CPM: variants seen among roughly 807,000 people sequenced by gnomAD.
The protein encoded by CPM is carboxypeptidase M, also known as renal carboxypeptidase.
In CPM, 35 loss-of-function variants were observed where a neutral mutation model predicts 46.4. The ratio of observed to expected loss-of-function variants is 0.75; its 90% CI spans 0.58 to 1.00. The LOEUF (loss-of-function observed/expected upper bound fraction) is 1.00. Among genes scored for constraint, CPM ranks in the 50% least tolerant of loss-of-function variants. The probability of loss-of-function intolerance (pLI) is 0.00; values close to 1 mark genes in which losing one functional copy is unlikely to be tolerated. For synonymous variants in CPM, 195 were observed against 195.3 expected (o/e 1.00, Z 0.01); for missense variants, 422 against 530.4 (o/e 0.80, Z 2.01).
chr12:68,930,827 T>C (rs1169959884), intron 2 of CPM, among the ~76,000 whole-genome samples: 2 of 152,262 alleles, frequency 1.3e-5, no homozygotes, highest in Non-Finnish European at 2.9e-5. Flanking sequence ...CACAAGCACA[T>C]TGTGTTTGAA....
At chr12:68,918,626 C>A (rs986317718) in intron 2 of CPM, among the ~76,000 whole-genome samples, 1 of 152,164 alleles carries the variant, frequency 6.6e-6, no homozygotes, top group Admixed American at 6.5e-5. Flanking sequence ...CCAATCCAAT[C>A]CAATCCAATC....
At chr12:68,865,755 G>C (rs1448664122) in intron 7 of CPM, among the ~76,000 whole-genome samples, 1 of 152,096 alleles carries the variant, frequency 6.6e-6, no homozygotes, top group African/African-American at 2.4e-5. Context: ...AAATATAGAA[G>C]AGCCTTCCAC....
chr12:68,861,301 G>A (rs1305396023), intron 7 of CPM, among the ~76,000 whole-genome samples: 1 of 152,198 alleles, frequency 6.6e-6, no homozygotes, highest in African/African-American at 2.4e-5. Flanking sequence ...GCAGGAATAT[G>A]TGAGGGAAGA....
At position 68,852,236 on chromosome 12, in the gene CPM, CTG is replaced by C. The variant is rs1287404137; in HGVS notation, c.*4199_*4200del. The C allele has an allele frequency of 6.6e-6, 1 of 152,240 alleles. No homozygotes were observed. The highest frequency in any genetic ancestry group is 2.4e-5 in the African/African-American group (1 of 41,454). The allele number at this position is 152,240 out of a possible 1,614,324, so 9.4% of individuals were successfully genotyped here. On this transcript the variant is annotated 3_prime_UTR_variant, in exon 9 of 9. Coordinates refer to ENST00000551568, the MANE Select transcript of CPM (RefSeq NM_198320.5). ...ATGTAATTAAGCATCCAAATCAACA[CTG>C]TCATTTATCTGCAGGGACTTAATGT...
intron 3 of CPM, among the ~76,000 whole-genome samples, chr12:68,875,845 CTTATTT>C (rs1885930545): frequency 6.6e-6 from 1 of 150,420 alleles, no homozygotes; most frequent in Admixed American, 6.6e-5. Context: ...TAATCAATTT[CTTATTT>C]TGAGAAAGCA....
intron 5 of CPM, chr12:68,842,960 A>G (rs541949615): frequency 4.7e-6 from 1 of 210,936 alleles, no homozygotes; most frequent in South Asian, 1.9e-4. Context: ...AATAACTGAC[A>G]CTATATAATT....
intron 2 of CPM, among the ~76,000 whole-genome samples, chr12:68,915,062 C>T (rs1212717439): frequency 6.6e-6 from 1 of 151,806 alleles, no homozygotes; most frequent in Non-Finnish European, 1.5e-5. Context: ...GTGTTTTTTT[C>T]TTCTTTTTTT....
chr12:68,897,018 T>A (rs1886901500), intron 2 of CPM, among the ~76,000 whole-genome samples: 1 of 152,132 alleles, frequency 6.6e-6, no homozygotes, highest in Non-Finnish European at 1.5e-5. Context: ...ACAGCTTGTC[T>A]CATTAATCAC....
downstream of CPM, chr12:68,850,361 C>G (rs1239136969): frequency 5.9e-5 from 9 of 151,490 alleles, no homozygotes; most frequent in Admixed American, 5.9e-4. Flanking sequence ...GCTTAAGAGG[C>G]TTCTATGTAA....
At chr12:68,956,516 C>T (rs1889021639) in intron 1 of CPM, among the ~76,000 whole-genome samples, 1 of 152,250 alleles carries the variant, frequency 6.6e-6, no homozygotes, top group African/African-American at 2.4e-5. Flanking sequence ...GCTGCCATCA[C>T]CAGCACTTGG....
At position 68,875,295 on chromosome 12, in the gene CPM, G is replaced by A. The variant is rs186954917; in HGVS notation, c.259-3339C>T. ...GAACCTGGGAAGCAGAGGTTGCAGT[G>A]AGCCGAGATTGTGCCATTGCACTCC... is the stretch of plus-strand genomic sequence containing the variant. On this transcript the variant is annotated intron_variant, in intron 3 of 8. Transcript: ENST00000551568. Among the ~76,000 whole-genome samples the A allele has an allele frequency of 2.5e-3, 378 of 151,852 alleles. 5 individuals are homozygous for A. The highest frequency in any genetic ancestry group is 8.7e-3 in the African/African-American group (360 of 41,392).
At chr12:68,895,062 C>T (rs931334736) in intron 2 of CPM, among the ~76,000 whole-genome samples, 1 of 148,922 alleles carries the variant, frequency 6.7e-6, no homozygotes, top group East Asian at 2.0e-4. Flanking sequence ...TTTCATGTGG[C>T]CAAGTCTTGA....
chr12:68,959,086 A>G (rs768826667), intron 1 of CPM, among the ~76,000 whole-genome samples: 1 of 152,020 alleles, frequency 6.6e-6, no homozygotes, highest in Non-Finnish European at 1.5e-5. Context: ...TCTTCGTCAT[A>G]CCATTTACTA....
intron 2 of CPM, among the ~76,000 whole-genome samples, chr12:68,926,180 A>G (rs1200958744): frequency 6.6e-6 from 1 of 152,204 alleles, no homozygotes; most frequent in East Asian, 1.9e-4. Flanking sequence ...AGCCTCCCAA[A>G]GTGCTGGGAT....
chr12:68,897,640 G>A (rs1419623689), intron 2 of CPM, among the ~76,000 whole-genome samples: 1 of 151,656 alleles, frequency 6.6e-6, no homozygotes, highest in Non-Finnish European at 1.5e-5. Context: ...AGGAGGCTTG[G>A]GCAGGAGAAT....
chr12:68,951,837 AG>A (rs1888940146), intron 1 of CPM, among the ~76,000 whole-genome samples: 1 of 152,224 alleles, frequency 6.6e-6, no homozygotes, highest in Admixed American at 6.5e-5. Flanking sequence ...ATTTTAGGGC[AG>A]TGTTCTAGCA....
At chr12:68,883,355 C>T (rs1408646447) in intron 3 of CPM, among the ~76,000 whole-genome samples, 1 of 152,234 alleles carries the variant, frequency 6.6e-6, no homozygotes, top group East Asian at 1.9e-4. Context: ...TAAGCCATCA[C>T]TTTCTTCAGC....
intron 3 of CPM, among the ~76,000 whole-genome samples, chr12:68,883,341 A>T (rs926593472): frequency 6.6e-6 from 1 of 152,194 alleles, no homozygotes; most frequent in Non-Finnish European, 1.5e-5. Flanking sequence ...CTCTGCTCCA[A>T]TGTTAAGCCA....
At chr12:68,958,653 T>C (rs1382068282) in intron 1 of CPM, among the ~76,000 whole-genome samples, 1 of 152,166 alleles carries the variant, frequency 6.6e-6, no homozygotes, top group African/African-American at 2.4e-5. Flanking sequence ...CCCTCCCTGC[T>C]TCCTCTCTGG....
Sources: gnomAD v4.1 joint callset for allele counts (sites outside exome capture counted in the v4.1 genomes callset) on GRCh38, gnomAD v4.1.1 for gene constraint, MANE v1.5 for transcripts, NCBI Gene and HGNC (gene_info 2026-07-23, HGNC 2026-07-21) for gene names.